Variants in HADH observed in about 807,000 individuals in gnomAD.
The protein encoded by HADH is hydroxyacyl-CoA dehydrogenase, also known as hydroxyacyl-coenzyme A dehydrogenase, mitochondrial.
A neutral mutation model predicts 32.2 loss-of-function variants in HADH; 24 were observed. The observed-to-expected ratio is 0.75, with a 90% confidence interval of 0.54 to 1.05. The LOEUF is 1.05. Among genes scored for constraint, HADH ranks in the 50% least tolerant of loss-of-function variants. HADH has a pLI of 0.00. For missense variants in HADH, 350 were observed against 397.1 expected (o/e 0.88, Z 1.01); for synonymous variants, 139 against 152.5 (o/e 0.91, Z 0.65).
chr4:108,033,096 A>G, intron 6 of HADH, 80 bp from the exon 7 acceptor site: 1 of 802,548 alleles, frequency 1.2e-6, no homozygotes. Flanking sequence ...ATAAAATTCT[A>G]GTAATTCTGG....
chr4:108,027,491 T>G, intron 5 of HADH, 197 bp from the exon 6 acceptor site: 2 of 642,240 alleles, frequency 3.1e-6, no homozygotes, highest in East Asian at 5.5e-5. Flanking sequence ...GTTTGAATGT[T>G]TTTTTAAGTA....
intron 4 of HADH, among the ~76,000 whole-genome samples, 183 bp downstream of exon 4, chr4:108,019,849 C>T (rs1735825200): frequency 6.6e-6 from 1 of 152,198 alleles, no homozygotes; most frequent in Non-Finnish European, 1.5e-5. Context: ...AGCCCTGTGT[C>T]TTGCTTAGTG....
intron 1 of HADH, 135 bp downstream of exon 1, chr4:107,990,199 G>A: frequency 1.1e-6 from 1 of 909,712 alleles, no homozygotes; most frequent in Admixed American, 2.6e-5. Flanking sequence ...CCCGGGTGTA[G>A]TTGAAATATC....
In HADH at chr4:108,033,275, C is replaced by G; in HGVS notation, c.809C>G (p.Thr270Arg). Reference sequence around the variant, plus strand: ...CTAGATTATGTCGGACTGGATACTACGAAGTTCATCGTGGATGGTAGGAAT... The same window carrying G: ...CTAGATTATGTCGGACTGGATACTAGGAAGTTCATCGTGGATGGTAGGAAT... Reference protein sequence around the residue: ...ELLDYVGLDTTKFIVDGWHEM... With the variant: ...ELLDYVGLDTRKFIVDGWHEM... The change falls in exon 7 of 8, where the codon ACG (threonine) becomes AGG (arginine). Residue 270 changes from threonine to arginine, a missense_variant. Transcript: ENST00000309522. 6.5e-7 allele frequency: 1 copy of G among 1,544,532 alleles called. No individual in the cohort carries two copies. Among genetic ancestry groups the G allele is most frequent in the Non-Finnish European group, 9.0e-7 (1 of 1,116,758 alleles).
At position 108,009,698 on chromosome 4, in the gene HADH, T is replaced by G. The variant is rs1433456142; in HGVS notation, c.133-61T>G. On this transcript the variant is annotated intron_variant, in intron 1 of 7. Transcript: ENST00000309522. ...TGCCACTGTTTTTTGGGGTGGGGTG[T>G]GTGCGCGTGCGTGTTATGTTTTCTT... 2.0e-6 allele frequency: 3 copies of G among 1,494,826 alleles called. No homozygotes were observed. The Admixed American group carries it at 5.0e-5, about 25-fold the overall frequency. The allele number at this position is 1,494,826 out of a possible 1,614,324, so 92.6% of individuals were successfully genotyped here.
intron 3 of HADH, among the ~76,000 whole-genome samples, chr4:108,015,861 A>T (rs1027704546): frequency 6.6e-6 from 1 of 152,044 alleles, no homozygotes; most frequent in Non-Finnish European, 1.5e-5. Context: ...AGTTAAGGAC[A>T]TGTAGGGTAC....
At chr4:108,018,378 C>A (rs1307101562) in intron 3 of HADH, among the ~76,000 whole-genome samples, 1 of 151,980 alleles carries the variant, frequency 6.6e-6, no homozygotes, top group East Asian at 1.9e-4. Context: ...CCCCAATGAC[C>A]AAAAGCAAGA....
At chr4:108,024,958 GGGTCTTT>G (rs1369936259) in intron 5 of HADH, 1 of 152,178 alleles carries the variant, frequency 6.6e-6, no homozygotes, top group Admixed American at 6.5e-5. Context: ...GGCTTTCAGA[GGGTCTTT>G]CTGGGTCAGT....
At chr4:108,009,981 T>C (rs758565602) in intron 2 of HADH, 94 bp downstream of exon 2, 348 of 875,262 alleles carry the variant, frequency 4.0e-4, no homozygotes, top group Middle Eastern at 9.7e-4. Context: ...TTCTTTCTTT[T>C]TTTTTTTTTT....
chr4:108,023,438 A>G (rs1159539232), intron 4 of HADH, 36 bp from the exon 5 acceptor site: 1 of 1,273,288 alleles, frequency 7.9e-7, no homozygotes, highest in East Asian at 2.3e-5. Context: ...TTGCTTGCTG[A>G]CACTCTGGTC....
At position 108,023,480 on chromosome 4, in the gene HADH, A is replaced by T; in HGVS notation, c.553A>T (p.Lys185Ter). The T allele has an allele frequency of 6.2e-7, 1 of 1,601,642 alleles. No homozygotes were observed. The highest frequency in any genetic ancestry group is 8.6e-7 in the Non-Finnish European group (1 of 1,168,536). The change falls in exon 5 of 8, where the codon AAA becomes TAA. Residue 185 changes from lysine (K) to a stop codon, truncating the protein, a stop_gained. Transcript: ENST00000309522. LOFTEE classifies it high-confidence loss of function. The stretch of plus-strand genomic sequence containing the variant: ...CTCTGCTTTGCATTTCCAGGTCATT[A>T]AAACACCAATGACCAGCCAGAAGAC... Reference protein sequence around the residue: ...VPVMKLVEVIKTPMTSQKTFE... With the variant: ...VPVMKLVEVI
intron 2 of HADH, 97 bp from the exon 3 acceptor site, chr4:108,014,334 T>C: frequency 1.4e-6 from 2 of 1,383,918 alleles, no homozygotes; most frequent in Non-Finnish European, 2.1e-6. Flanking sequence ...ACAGGTGCTC[T>C]GAACACCCAG....
At chr4:108,016,502 G>A (rs1175686667) in intron 3 of HADH, among the ~76,000 whole-genome samples, 1 of 152,220 alleles carries the variant, frequency 6.6e-6, no homozygotes, top group East Asian at 1.9e-4. Context: ...TATACTTGTG[G>A]TACCGGGACT....
chr4:108,009,015 C>T (rs527283552), intron 1 of HADH, among the ~76,000 whole-genome samples: 10 of 152,286 alleles, frequency 6.6e-5, no homozygotes, highest in African/African-American at 2.2e-4. Context: ...ATTCCCCTTA[C>T]CCTAGGATTC....
chr4:107,996,692 G>A (rs1266287315), intron 1 of HADH, among the ~76,000 whole-genome samples: 1 of 152,114 alleles, frequency 6.6e-6, no homozygotes, highest in Non-Finnish European at 1.5e-5. Context: ...TCAGGAGTTC[G>A]AGACTAGCCT....
chr4:108,027,172 G>C (rs1345408015), intron 5 of HADH: 1 of 194,478 alleles, frequency 5.1e-6, no homozygotes, highest in African/African-American at 2.3e-5. Context: ...CTCCTTTGAG[G>C]ACCATTCAAG....
chr4:107,994,921 G>C (rs181258064), intron 1 of HADH, among the ~76,000 whole-genome samples: 1 of 152,128 alleles, frequency 6.6e-6, no homozygotes, highest in African/African-American at 2.4e-5. Flanking sequence ...TAATGCTATG[G>C]GATATGTTTG....
chr4:108,030,173 A>C (rs866952049), intron 6 of HADH: 80 of 152,484 alleles, frequency 5.2e-4, no homozygotes, highest in African/African-American at 1.9e-3. Flanking sequence ...AAGCTCTGCC[A>C]GAGAGCCTTC....
intron 1 of HADH, among the ~76,000 whole-genome samples, chr4:107,996,121 C>A (rs1201117960): frequency 1.3e-5 from 2 of 152,188 alleles, no homozygotes; most frequent in Admixed American, 1.3e-4. Flanking sequence ...ACTTTTTGGT[C>A]ATGGGAGAGC....
Sources: allele counts gnomAD v4.1 joint callset (sites outside exome capture counted in the v4.1 genomes callset), GRCh38; gene constraint gnomAD v4.1.1; transcripts MANE v1.5; gene names NCBI Gene and HGNC (gene_info 2026-07-23, HGNC 2026-07-21).